Variants in CSF3R observed in about 807,000 individuals in gnomAD.
The protein encoded by CSF3R is granulocyte colony-stimulating factor receptor.
CSF3R carries 52 observed loss-of-function variants against 84.4 expected under a neutral mutation model. The observed-to-expected ratio is 0.62, with a 90% confidence interval of 0.49 to 0.78. The LOEUF (loss-of-function observed/expected upper bound fraction) is 0.78. Ranked by LOEUF, CSF3R falls within the 30% of genes least tolerant of loss-of-function variation. CSF3R has a pLI of 0.00. For synonymous variants in CSF3R, 384 were observed against 429.1 expected (o/e 0.89, Z 1.30); for missense variants, 890 against 1,055.7 (o/e 0.84, Z 2.17).
At chr1:36,469,000 G>A in intron 12 of CSF3R, 156 bp downstream of exon 12, 2 of 665,332 alleles carry the variant, frequency 3.0e-6, no homozygotes, top group Non-Finnish European at 5.5e-6. Flanking sequence ...CAGCTGTAGG[G>A]ATCCAGTGTA....
At position 36,467,499 on chromosome 1, in the gene CSF3R, G is replaced by T; in HGVS notation, c.1958+59C>A. On this transcript the variant is annotated intron_variant, in intron 15 of 16. Coordinates refer to ENST00000373106, the MANE Select transcript of CSF3R (RefSeq NM_000760.4). The surrounding 1 kb of genome is among the most constrained non-coding windows in gnomAD (Gnocchi z 4.1). ...GAAGGGACTTAGATGGGCCCATCTG[G>T]ACCTGAGGTTCCCTGTGGGTGGGGG... 1.3e-6 allele frequency: 2 copies of T among 1,552,132 alleles called. No homozygotes were observed. Among genetic ancestry groups the T allele is most frequent in the South Asian group, 2.2e-5 (2 of 89,324 alleles).
At position 36,467,154 on chromosome 1, in the gene CSF3R, G is replaced by T; in HGVS notation, c.2040+76C>A. 6.7e-7 allele frequency: 1 copy of T among 1,502,936 alleles called. No homozygotes were observed. Among genetic ancestry groups the T allele is most frequent in the Non-Finnish European group, 9.3e-7 (1 of 1,079,126 alleles). The allele number at this position is 1,502,936 out of a possible 1,614,324, so 93.1% of individuals were successfully genotyped here. On this transcript the variant is annotated intron_variant, in intron 16 of 16. Transcript: ENST00000373106. This position sits in a 1 kb window ranked among gnomAD's most constrained non-coding sequence, Gnocchi z 4.1. The stretch of plus-strand genomic sequence containing the variant: ...AAGTGACAGGAAGGCCTGAGTACTT[G>T]GCTTCAGAAGGTGTCCCTTCACTGA...
chr1:36,467,618 A>G lies in CSF3R; in HGVS notation c.1898T>C (p.Phe633Ser), dbSNP rs1650411601. The G allele has an allele frequency of 1.2e-6, 2 of 1,614,182 alleles. No individual in the cohort carries two copies. The highest frequency in any genetic ancestry group is 1.7e-6 in the Non-Finnish European group (2 of 1,180,022). Residue 633 changes from phenylalanine to serine, a missense_variant, in exon 15 of 17, where the codon TTC becomes TCC. Coordinates refer to ENST00000373106, the MANE Select transcript of CSF3R (RefSeq NM_000760.4). The surrounding 1 kb of genome is among the most constrained non-coding windows in gnomAD (Gnocchi z 4.1). The part of the protein sequence containing the change: ...GSELHIILGL[F>S]GLLLLLTCLC... The stretch of plus-strand genomic sequence containing the variant: ...GCAGGTGAGCAACAGCAGGAGGCCG[A>G]ACAGGCCCAGGATGATGTGTAGCTC...
rs569161258 is a variant in CSF3R at position 36,471,901 on chromosome 1, C to T, written c.1071+165G>A. On this transcript the variant is annotated intron_variant, in intron 9 of 16. Transcript: ENST00000373106. ...CACTGTGACGTGCGTTACAGTCTGT[C>T]CAAAAGCTAACTCAGCTCCCTAGGC... The T allele has an allele frequency of 3.6e-3, 2,727 of 759,530 alleles. 15 individuals are homozygous for T. Among genetic ancestry groups the T allele is most frequent in the Non-Finnish European group, 5.4e-3 (2,444 of 453,642 alleles). The allele number at this position is 759,530 out of a possible 1,614,324, so 47.0% of individuals were successfully genotyped here.
Position 36,471,792 on chromosome 1 carries a change from G to A in CSF3R, c.1072-146C>T, listed in dbSNP as rs536572835. ...CTCACCCCCCTCCCCTTTTCCCTCT[G>A]TTCCCTTGTGCTAGGTTCTAGGAAG... On this transcript the variant is annotated intron_variant, in intron 9 of 16. Transcript: ENST00000373106. 35 of 806,118 alleles carry A rather than the reference G, an allele frequency of 4.3e-5. 1 individual carries two copies. The East Asian group carries it at 6.1e-4, about 14-fold the overall frequency. 49.9% of individuals were successfully genotyped at this position (806,118 alleles called of 1,614,324 possible).
rs1477939318 is a variant in CSF3R, at chr1:36,481,532, C to T, written c.-75G>A. 1.3e-5 allele frequency: 2 copies of T among 152,260 alleles called. No homozygotes were observed. The highest frequency in any genetic ancestry group is 2.9e-5 in the Non-Finnish European group (2 of 68,052). The allele number at this position is 152,260 out of a possible 1,614,324, so 9.4% of individuals were successfully genotyped here. ...ACCTTTCCGAGCCGAGCCTCAGTTTCCCCATCTGTGGGAAAGAAATAACAT... is the reference window on the plus strand; with the variant it reads ...ACCTTTCCGAGCCGAGCCTCAGTTTTCCCATCTGTGGGAAAGAAATAACAT... On this transcript the variant is annotated 5_prime_UTR_variant, in exon 2 of 17. Transcript: ENST00000373106.
chr1:36,479,852 G>A (rs1651408490), intron 2 of CSF3R: 5 of 376,602 alleles, frequency 1.3e-5, no homozygotes, highest in South Asian at 4.4e-5. Flanking sequence ...TACCCCTAGA[G>A]AGCAGAACCT....
chr1:36,466,745 G>C lies in CSF3R; in HGVS notation c.2123C>G (p.Pro708Arg). 1 of 1,614,188 alleles carries C rather than the reference G, an allele frequency of 6.2e-7. No homozygotes were observed. Among genetic ancestry groups the C allele is most frequent in the East Asian group, 2.2e-5 (1 of 44,874 alleles). The change falls in exon 17 of 17, where the codon CCC becomes CGC. Residue 708 changes from proline (P) to arginine (R), a missense_variant. Coordinates refer to ENST00000373106, the MANE Select transcript of CSF3R (RefSeq NM_000760.4). The surrounding 1 kb of genome is among the most constrained non-coding windows in gnomAD (Gnocchi z 4.6). ...VLEEDEKKPV[P>R]WESHNSSETC... ...CTCTGAGCTGTTATGGGACTCCCAGGGCACCGGCTTCTTTTCATCCTCCTC... is the reference window on the plus strand; with the variant it reads ...CTCTGAGCTGTTATGGGACTCCCAGCGCACCGGCTTCTTTTCATCCTCCTC...
rs768620799 is a variant in CSF3R at position 36,467,188 on chromosome 1, C to T, written c.2040+42G>A. The T allele has an allele frequency of 7.5e-6, 12 of 1,597,812 alleles. No homozygotes were observed. Among genetic ancestry groups the T allele is most frequent in the Admixed American group, 3.3e-5 (2 of 59,988 alleles). ...AGGTGTCCCTTCACTGAGCCTGGGCCGACATCCCCATCTCATTTCCCTCTC... is the reference window on the plus strand; with the variant it reads ...AGGTGTCCCTTCACTGAGCCTGGGCTGACATCCCCATCTCATTTCCCTCTC... On this transcript the variant is annotated intron_variant, in intron 16 of 16. Transcript: ENST00000373106. The surrounding 1 kb of genome is among the most constrained non-coding windows in gnomAD (Gnocchi z 4.1).
At chr1:36,473,306 C>G in intron 6 of CSF3R, 129 bp downstream of exon 6, 1 of 1,027,388 alleles carries the variant, frequency 9.7e-7, no homozygotes, top group East Asian at 2.5e-5. Context: ...TTGTCTCTGT[C>G]CCTCTTCTGT....
Position 36,467,579 on chromosome 1 carries a change from G to A in CSF3R, c.1937C>T (p.Ala646Val). The A allele has an allele frequency of 6.2e-7, 1 of 1,614,158 alleles. No individual in the cohort carries two copies. Among genetic ancestry groups the A allele is most frequent in the Non-Finnish European group, 8.5e-7 (1 of 1,180,022 alleles). ...LLLLTCLCGT[A>V]WLCCSPNRKN... ...TCACTTGGGGCTGCAACAGAGCCAG[G>A]CAGTTCCACAGAGGCAGGTGAGCAA... Residue 646 changes from alanine (A) to valine (V), a missense_variant, in exon 15 of 17, where the codon GCC (alanine) becomes GTC (valine). By Grantham distance (64) the Ala-to-Val change is moderately conservative. Coordinates refer to ENST00000373106, the MANE Select transcript of CSF3R (RefSeq NM_000760.4). This position sits in a 1 kb window ranked among gnomAD's most constrained non-coding sequence, Gnocchi z 4.1.
Position 36,466,703 on chromosome 1 carries a change from G to C in CSF3R, c.2165C>G (p.Thr722Ser). 1 of 1,614,224 alleles carries C rather than the reference G, an allele frequency of 6.2e-7. No homozygotes were observed. The highest frequency in any genetic ancestry group is 8.5e-7 in the Non-Finnish European group (1 of 1,180,036). Reference sequence around the variant, plus strand: ...CTGGAGCACATAGGTCTGGACCAGAGTGGGGAGGCCACAGGTCTCTGAGCT... The same window carrying C: ...CTGGAGCACATAGGTCTGGACCAGACTGGGGAGGCCACAGGTCTCTGAGCT... ...HNSSETCGLP[T>S]LVQTYVLQGD... The change falls in exon 17 of 17, where the codon ACT (threonine) becomes AGT (serine). Residue 722 changes from threonine to serine, a missense_variant. Physicochemically the swap from Thr to Ser is moderately conservative, Grantham distance 58. Transcript: ENST00000373106. This position sits in a 1 kb window ranked among gnomAD's most constrained non-coding sequence, Gnocchi z 4.6.
rs1055049263 is a variant in CSF3R at position 36,467,077 on chromosome 1, G to T, written c.2040+153C>A. On this transcript the variant is annotated intron_variant, in intron 16 of 16. Coordinates refer to ENST00000373106, the MANE Select transcript of CSF3R (RefSeq NM_000760.4). This position sits in a 1 kb window ranked among gnomAD's most constrained non-coding sequence, Gnocchi z 4.1. ...GACTGAGGCTTTGAGATGGACAGAG[G>T]TGGGATTCAAAGTTGGGTCTGCTTC... 4 of 1,229,898 alleles carry T rather than the reference G, an allele frequency of 3.3e-6. No homozygotes were observed. In the South Asian group the frequency reaches 3.8e-5, roughly 12 times the overall value. The allele number at this position is 1,229,898 out of a possible 1,614,324, so 76.2% of individuals were successfully genotyped here. A position where few individuals can be genotyped will look rare whatever the true frequency, so the allele number is the denominator to read the frequency against.
chr1:36,476,726 T>A (rs1209538686), intron 3 of CSF3R, among the ~76,000 whole-genome samples: 1 of 152,058 alleles, frequency 6.6e-6, no homozygotes, highest in Non-Finnish European at 1.5e-5. Flanking sequence ...AGTGGCACGA[T>A]CACGGCTCAG....
In CSF3R at chr1:36,473,930, A is replaced by G. The variant is rs1462466172; in HGVS notation, c.362-43T>C. The G allele has an allele frequency of 5.0e-6, 8 of 1,612,800 alleles. No individual in the cohort carries two copies. In the East Asian group the frequency reaches 1.6e-4, roughly 31 times the overall value. On this transcript the variant is annotated intron_variant, in intron 4 of 16. Coordinates refer to ENST00000373106, the MANE Select transcript of CSF3R (RefSeq NM_000760.4). ...GAGTGTGAGGGCTTTGGGTGGGACC[A>G]CTCAGAAAGCTTCCTCTGGGACCAG...
intron 12 of CSF3R, 131 bp from the exon 13 acceptor site, chr1:36,468,352 C>T (rs372120994): frequency 9.6e-5 from 89 of 927,132 alleles, no homozygotes; most frequent in Non-Finnish European, 1.4e-4. Context: ...GCCCAAGCCT[C>T]ATTTTTCCCA....
chr1:36,479,162 C>A (rs1651362356), intron 3 of CSF3R: 8 of 519,120 alleles, frequency 1.5e-5, no homozygotes, highest in South Asian at 1.3e-4. Context: ...TTGCTTCTGA[C>A]AGCTTGGTAG....
intron 3 of CSF3R, chr1:36,476,227 G>A (rs1281365952): frequency 6.5e-6 from 1 of 153,084 alleles, no homozygotes; most frequent in Non-Finnish European, 1.5e-5. Flanking sequence ...GTGGTGTGAT[G>A]GATGAGTGTG....
Position 36,467,908 on chromosome 1 carries a change from G to A in CSF3R, c.1778C>T (p.Ala593Val). 1 of 1,614,222 alleles carries A rather than the reference G, an allele frequency of 6.2e-7. No individual in the cohort carries two copies. Among genetic ancestry groups the A allele is most frequent in the Non-Finnish European group, 8.5e-7 (1 of 1,180,044 alleles). Reference protein sequence around the residue: ...RGFVLHGLEPASLYHIHLMAA... With the variant: ...RGFVLHGLEPVSLYHIHLMAA... ...CATGAGGTGGATGTGATACAGACTG[G>A]CGGGCTCCAGGCCATGGAGGACAAA... Residue 593 changes from alanine to valine, a missense_variant, in exon 14 of 17, where the codon GCC becomes GTC. Coordinates refer to ENST00000373106, the MANE Select transcript of CSF3R (RefSeq NM_000760.4). The surrounding 1 kb of genome is among the most constrained non-coding windows in gnomAD (Gnocchi z 4.1).
Sources: allele counts gnomAD v4.1 joint callset (sites outside exome capture counted in the v4.1 genomes callset), GRCh38; gene constraint gnomAD v4.1.1; non-coding constraint Gnocchi (gnomAD v3.1); transcripts MANE v1.5; gene names NCBI Gene and HGNC (gene_info 2026-07-23, HGNC 2026-07-21).